GPC5: variants seen among roughly 807,000 people sequenced by gnomAD.
GPC5 encodes the protein glypican 5.
A neutral mutation model predicts 53.9 loss-of-function variants in GPC5; 47 were observed. That is an observed-to-expected ratio of 0.87 (90% CI 0.69 to 1.11). The LOEUF (loss-of-function observed/expected upper bound fraction) is 1.11. GPC5 is among the 50% of genes most tolerant of loss of function. The pLI, the probability that GPC5 is intolerant of heterozygous loss-of-function variation, is 0.00. For synonymous variants in GPC5, 286 were observed against 263.3 expected (o/e 1.09, Z -0.84); for missense variants, 748 against 713.1 (o/e 1.05, Z -0.56).
chr13:92,161,956 C>CATAT (rs55867004), intron 7 of GPC5, among the ~76,000 whole-genome samples: 9,996 of 94,940 alleles, frequency 0.11, 829 homozygotes, highest in Non-Finnish European at 0.13. Context: ...AATATATAGC[C>CATAT]ATATATATAT....
intron 5 of GPC5, among the ~76,000 whole-genome samples, chr13:91,768,879 TAAGTACTC>T (rs2037571854): frequency 6.6e-6 from 1 of 152,196 alleles, no homozygotes; most frequent in South Asian, 2.1e-4. Flanking sequence ...TCTACAGAGG[TAAGTACTC>T]ATGCTCTGTA....
chr13:92,323,966 T>C (rs1010942987), intron 7 of GPC5, among the ~76,000 whole-genome samples: 4 of 151,978 alleles, frequency 2.6e-5, no homozygotes, highest in African/African-American at 9.7e-5. Flanking sequence ...AGTGTTCTTT[T>C]GCCTGCTGTA....
At chr13:92,845,966 G>T (rs951410465) in intron 7 of GPC5, among the ~76,000 whole-genome samples, 1 of 151,966 alleles carries the variant, frequency 6.6e-6, no homozygotes, top group Non-Finnish European at 1.5e-5. Flanking sequence ...ATTTAAAATG[G>T]CTCTAAGCTT....
intron 7 of GPC5, among the ~76,000 whole-genome samples, chr13:92,529,940 CCA>C (rs1242230004): frequency 6.6e-6 from 1 of 151,806 alleles, no homozygotes; most frequent in East Asian, 1.9e-4. Flanking sequence ...AAAAATTAGC[CCA>C]GCGTGGTAGT....
chr13:92,435,949 A>G (rs1173067829), intron 7 of GPC5, among the ~76,000 whole-genome samples: 1 of 152,208 alleles, frequency 6.6e-6, no homozygotes, highest in African/African-American at 2.4e-5. Context: ...AAGTACATGT[A>G]GGAACTATTA....
intron 1 of GPC5, among the ~76,000 whole-genome samples, chr13:91,414,284 G>A (rs1019947019): frequency 1.2e-4 from 19 of 152,184 alleles, no homozygotes; most frequent in Admixed American, 7.2e-4. Context: ...TCCCCTTTGC[G>A]CGGCATTTAC....
chr13:92,067,909 G>T (rs190787048), intron 6 of GPC5, among the ~76,000 whole-genome samples: 38 of 151,928 alleles, frequency 2.5e-4, no homozygotes, highest in Admixed American at 2.2e-3. Context: ...CAAGCATGAT[G>T]GGTCATTTTA....
At chr13:92,385,419 T>TAC (rs1214539268) in intron 7 of GPC5, among the ~76,000 whole-genome samples, 3 of 24,424 alleles carry the variant, frequency 1.2e-4, no homozygotes, top group Admixed American at 1.2e-3. Context: ...CACATATATA[T>TAC]ACATATATAC....
intron 2 of GPC5, among the ~76,000 whole-genome samples, chr13:91,522,347 G>A (rs1566473748): frequency 6.6e-6 from 1 of 152,146 alleles, no homozygotes; most frequent in Non-Finnish European, 1.5e-5. Context: ...ACATCACGTT[G>A]GAGAGTCTAA....
At chr13:92,720,835 T>C (rs373267377) in intron 7 of GPC5, among the ~76,000 whole-genome samples, 1 of 152,146 alleles carries the variant, frequency 6.6e-6, no homozygotes, top group African/African-American at 2.4e-5. Context: ...AAGTTGTTTT[T>C]GCAATAAAAT....
At chr13:91,663,332 G>A (rs540797936) in intron 2 of GPC5, among the ~76,000 whole-genome samples, 3 of 152,274 alleles carry the variant, frequency 2.0e-5, no homozygotes, top group Non-Finnish European at 2.9e-5. Context: ...TCCTCACTCC[G>A]TGTACATACC....
intron 5 of GPC5, among the ~76,000 whole-genome samples, chr13:91,830,142 A>AG (rs936021160): frequency 6.6e-6 from 1 of 152,014 alleles, no homozygotes; most frequent in African/African-American, 2.4e-5. Context: ...AGCCACGCCC[A>AG]GGGGGGCCGT....
chr13:92,707,539 A>AG (rs1019745137), intron 7 of GPC5, among the ~76,000 whole-genome samples: 18 of 152,198 alleles, frequency 1.2e-4, no homozygotes, highest in African/African-American at 4.3e-4. Context: ...GTATCAGTGT[A>AG]GGAAAAAGCA....
intron 7 of GPC5, among the ~76,000 whole-genome samples, chr13:92,666,185 A>G (rs762024205): frequency 2.6e-5 from 4 of 152,164 alleles, no homozygotes; most frequent in Admixed American, 1.3e-4. Flanking sequence ...CATAACAGGG[A>G]TGGATTTTCT....
intron 7 of GPC5, among the ~76,000 whole-genome samples, chr13:92,713,475 G>A (rs183769498): frequency 0.049 from 7,387 of 150,604 alleles, 269 homozygotes; most frequent in African/African-American, 0.099. Context: ...GGGTGTGGTG[G>A]CGGGCACCTG....
intron 4 of GPC5, among the ~76,000 whole-genome samples, chr13:91,752,466 G>T (rs1055755136): frequency 4.6e-5 from 7 of 152,172 alleles, no homozygotes; most frequent in Non-Finnish European, 1.0e-4. Flanking sequence ...GTGGCAGGAG[G>T]TGATACAATT....
chr13:92,397,450 A>G (rs564621514), intron 7 of GPC5, among the ~76,000 whole-genome samples: 1 of 152,338 alleles, frequency 6.6e-6, no homozygotes, highest in South Asian at 2.1e-4. Context: ...TTGAACTGTG[A>G]GTCCATTAAA....
intron 7 of GPC5, among the ~76,000 whole-genome samples, chr13:92,443,306 C>T (rs1041557050): frequency 1.3e-5 from 2 of 152,194 alleles, no homozygotes; most frequent in African/African-American, 2.4e-5. Flanking sequence ...TCCCACCAGG[C>T]ACCATGTCTA....
intron 2 of GPC5, among the ~76,000 whole-genome samples, chr13:91,530,273 C>G (rs1235169884): frequency 6.6e-6 from 1 of 152,186 alleles, no homozygotes; most frequent in East Asian, 1.9e-4. Context: ...TTTGCCAGAG[C>G]TAGCTTACAC....
Sources: allele counts gnomAD v4.1 joint callset (sites outside exome capture counted in the v4.1 genomes callset), GRCh38; gene constraint gnomAD v4.1.1; transcripts MANE v1.5; gene names NCBI Gene and HGNC (gene_info 2026-07-23, HGNC 2026-07-21).